MOB1B: variants seen among roughly 807,000 people sequenced by gnomAD.
The protein encoded by MOB1B is MOB kinase activator 1B.
A neutral mutation model predicts 24.4 loss-of-function variants in MOB1B; 19 were observed. The observed-to-expected ratio is 0.78, with a 90% CI of 0.54 to 1.14. The LOEUF (loss-of-function observed/expected upper bound fraction) is 1.14. Ranked by LOEUF, MOB1B falls within the 50% of genes most tolerant of loss-of-function variation. MOB1B has a pLI of 0.00. For missense variants in MOB1B, 243 were observed against 259.6 expected, an observed-to-expected ratio of 0.94 and a Z score of 0.44; for synonymous variants, 76 against 82.1, an observed-to-expected ratio of 0.93 and a Z score of 0.40.
rs1325724787 is a variant in MOB1B at position 70,985,969 on chromosome 4, A to T, written c.*3912A>T. The T allele has an allele frequency of 1.3e-5, 2 of 152,258 alleles. No individual in the cohort carries two copies. Among genetic ancestry groups the T allele is most frequent in the Admixed American group, 1.3e-4 (2 of 15,290 alleles). 9.4% of individuals were successfully genotyped at this position (152,258 alleles called of 1,614,324 possible). ...AAGCATTGGTAGCATAATTGAATAA[A>T]AGAATAGTTTCCTGATGTCACTATT... On this transcript the variant is annotated 3_prime_UTR_variant, in exon 6 of 6. Coordinates refer to ENST00000309395, the MANE Select transcript of MOB1B (RefSeq NM_173468.4).
At chr4:70,931,269 A>G in intron 1 of MOB1B, among the ~76,000 whole-genome samples, 1 of 152,236 alleles carries the variant, frequency 6.6e-6, no homozygotes. Flanking sequence ...AAGTCTTCTT[A>G]TGATTTGCAG....
intron 5 of MOB1B, among the ~76,000 whole-genome samples, chr4:70,980,831 T>C (rs1739183474): frequency 6.6e-6 from 1 of 152,188 alleles, no homozygotes; most frequent in African/African-American, 2.4e-5. Context: ...CCTGAGAGTT[T>C]GCTGATGGCA....
rs1306786895 is a variant in MOB1B at position 70,969,928 on chromosome 4, C to G, written c.182-3C>G. ...TTACTTACAACTGATACTTGCTTTA[C>G]AGCTGTGGATTTCTTCAATCAGATC... On this transcript the variant is annotated splice_polypyrimidine_tract_variant and splice_region_variant and intron_variant, in intron 2 of 5. Coordinates refer to ENST00000309395, the MANE Select transcript of MOB1B (RefSeq NM_173468.4). The G allele has an allele frequency of 6.4e-7, 1 of 1,558,314 alleles. No homozygotes were observed. Among genetic ancestry groups the G allele is most frequent in the African/African-American group, 1.4e-5 (1 of 73,614 alleles).
Position 70,977,167 on chromosome 4 carries a change from G to T in MOB1B, c.409+1881G>T, listed in dbSNP as rs60392790. On this transcript the variant is annotated intron_variant, in intron 4 of 5. Transcript: ENST00000309395. ...TATAGATCTCATTTGGGCTTTTCAG[G>T]TTTTCTTAATAATGTACTTTATAAG... is the stretch of plus-strand genomic sequence containing the variant. Among the ~76,000 whole-genome samples, 469 of 152,080 alleles carry T rather than the reference G, an allele frequency of 3.1e-3. 4 individuals carry two copies. Among genetic ancestry groups the T allele is most frequent in the African/African-American group, 0.011 (453 of 41,494 alleles).
At position 70,975,274 on chromosome 4, in the gene MOB1B, C is replaced by T; in HGVS notation, c.397C>T (p.Pro133Ser). 1 of 1,611,848 alleles carries T rather than the reference C, an allele frequency of 6.2e-7. No homozygotes were observed. Among genetic ancestry groups the T allele is most frequent in the Non-Finnish European group, 8.5e-7 (1 of 1,179,246 alleles). ...QDQLDDETLF[P>S]SKIGVPFPKN... ...CCAGTTGGATGATGAGACGTTATTTCCATCAAAAATTGGTATAATTAATTT... is the reference window on the plus strand; with the variant it reads ...CCAGTTGGATGATGAGACGTTATTTTCATCAAAAATTGGTATAATTAATTT... Residue 133 changes from proline (P) to serine (S), a missense_variant, in exon 4 of 6, where the codon CCA (proline) becomes TCA (serine). By Grantham distance (74) the Pro-to-Ser change is moderately conservative. Transcript: ENST00000309395.
intron 2 of MOB1B, among the ~76,000 whole-genome samples, chr4:70,967,852 G>C (rs1738596431): frequency 6.6e-6 from 1 of 151,678 alleles, no homozygotes; most frequent in Admixed American, 6.6e-5. Context: ...TTTTTGAGGA[G>C]GTTTTGCCCT....
At chr4:70,912,988 C>A (rs1191345027) in intron 1 of MOB1B, among the ~76,000 whole-genome samples, 2 of 152,146 alleles carry the variant, frequency 1.3e-5, no homozygotes, top group African/African-American at 4.8e-5. Flanking sequence ...AACTTCTGGG[C>A]TCAAGCAATT....
chr4:70,926,555 T>C (rs1162228875), intron 1 of MOB1B, among the ~76,000 whole-genome samples: 1 of 152,228 alleles, frequency 6.6e-6, no homozygotes, highest in East Asian at 1.9e-4. Context: ...AAGCCCAGTG[T>C]ATAAACTGTT....
intron 4 of MOB1B, chr4:70,976,445 G>T: frequency 1.0e-6 from 1 of 985,286 alleles, no homozygotes; most frequent in South Asian, 4.7e-5. Context: ...AGGGGTTGCT[G>T]TATCATCGGC....
intron 1 of MOB1B, among the ~76,000 whole-genome samples, chr4:70,936,936 A>T (rs144817369): frequency 4.6e-5 from 7 of 151,812 alleles, no homozygotes; most frequent in Admixed American, 3.9e-4. Flanking sequence ...AATTTTTTTG[A>T]GACGGAGTCT....
chr4:70,967,135 C>CT (rs770941725), intron 2 of MOB1B, among the ~76,000 whole-genome samples: 317 of 139,688 alleles, frequency 2.3e-3, no homozygotes, highest in East Asian at 3.9e-3. Context: ...TTACTGGAGT[C>CT]TTTTTTTTTT....
chr4:70,963,776 C>T (rs973555803), intron 2 of MOB1B, among the ~76,000 whole-genome samples: 1 of 152,032 alleles, frequency 6.6e-6, no homozygotes, highest in Admixed American at 6.6e-5. Flanking sequence ...GTTGTGATTG[C>T]ACCACTGCTC....
intron 1 of MOB1B, among the ~76,000 whole-genome samples, chr4:70,914,836 G>A (rs536635946): frequency 1.3e-5 from 2 of 152,114 alleles, no homozygotes; most frequent in South Asian, 2.1e-4. Context: ...TTGTACAGTC[G>A]CGGTTACTGC....
intron 5 of MOB1B, among the ~76,000 whole-genome samples, chr4:70,981,696 G>A (rs893914658): frequency 6.6e-6 from 1 of 152,112 alleles, no homozygotes; most frequent in African/African-American, 2.4e-5. Context: ...GTTACTTTGT[G>A]TCAGGCATTA....
At chr4:70,959,148 A>G (rs1738194875) in intron 2 of MOB1B, 108 bp downstream of exon 2, 1 of 805,958 alleles carries the variant, frequency 1.2e-6, no homozygotes, top group Non-Finnish European at 2.0e-6. Context: ...AGCTAATATC[A>G]TAAAAGAGTG....
Position 70,947,666 on chromosome 4 carries a change from G to C in MOB1B, c.15-11208G>C, listed in dbSNP as rs142199772. Among the ~76,000 whole-genome samples the C allele has an allele frequency of 4.8e-3, 731 of 152,112 alleles. 5 individuals are homozygous for C. Among genetic ancestry groups the C allele is most frequent in the African/African-American group, 0.015 (620 of 41,482 alleles). ...TTTTGAAGCAGGGTCTCACTCTGTTGCCCAGGCTGGAGTGCAGTGGCACAA... is the reference window on the plus strand; with the variant it reads ...TTTTGAAGCAGGGTCTCACTCTGTTCCCCAGGCTGGAGTGCAGTGGCACAA... On this transcript the variant is annotated intron_variant, in intron 1 of 5. Coordinates refer to ENST00000309395, the MANE Select transcript of MOB1B (RefSeq NM_173468.4).
At chr4:70,974,137 G>T (rs1458737194) in intron 3 of MOB1B, among the ~76,000 whole-genome samples, 2 of 152,006 alleles carry the variant, frequency 1.3e-5, no homozygotes, top group Non-Finnish European at 2.9e-5. Flanking sequence ...CAAAATTCAG[G>T]GTATGTGTGT....
chr4:70,937,938 T>G (rs988756685), intron 1 of MOB1B, among the ~76,000 whole-genome samples: 10 of 152,298 alleles, frequency 6.6e-5, no homozygotes, highest in African/African-American at 2.4e-4. Flanking sequence ...GAGTCCTATT[T>G]AATTTCTTCT....
intron 1 of MOB1B, among the ~76,000 whole-genome samples, chr4:70,918,648 C>T (rs1419019526): frequency 1.3e-5 from 2 of 151,846 alleles, no homozygotes; most frequent in Non-Finnish European, 2.9e-5. Context: ...GTTGCCTGTT[C>T]ACTCTGATGG....
Sources: gnomAD v4.1 joint callset for allele counts (sites outside exome capture counted in the v4.1 genomes callset) on GRCh38, gnomAD v4.1.1 for gene constraint, MANE v1.5 for transcripts, NCBI Gene and HGNC (gene_info 2026-07-23, HGNC 2026-07-21) for gene names.